The following NEK11 variants were observed in gnomAD, a reference collection of about 807,000 sequenced individuals.
The protein encoded by NEK11 is serine/threonine-protein kinase Nek11.
Under a neutral mutation model 80.7 loss-of-function variants are expected in NEK11, and 72 were observed. The observed-to-expected ratio is 0.89, with a 90% CI of 0.74 to 1.08. The LOEUF (loss-of-function observed/expected upper bound fraction) is 1.08, where lower values mean the gene tolerates loss of function less well. NEK11 is among the 50% of genes least tolerant of loss of function. The pLI is 0.00. For synonymous variants in NEK11, 251 were observed against 260.7 expected (o/e 0.96, Z 0.36); for missense variants, 764 against 763.6 (o/e 1.00, Z -0.01).
intron 17 of NEK11, among the ~76,000 whole-genome samples, chr3:131,295,559 C>A (rs79090196): frequency 0.017 from 2,534 of 152,178 alleles, 68 homozygotes; most frequent in African/African-American, 0.057. Flanking sequence ...AATTTTTTTG[C>A]ATTAAACAAT....
At chr3:131,225,278 T>TGTG (rs2095158280) in intron 14 of NEK11, among the ~76,000 whole-genome samples, 3 of 152,248 alleles carry the variant, frequency 2.0e-5, no homozygotes, top group African/African-American at 7.2e-5. Flanking sequence ...TGTACAGGGT[T>TGTG]GTAGCCTAGG....
At chr3:131,080,617 T>A (rs761717949) in intron 4 of NEK11, 29 bp downstream of exon 4, 1 of 1,576,680 alleles carries the variant, frequency 6.3e-7, no homozygotes. Flanking sequence ...CTTGGAAGTC[T>A]TTATAAAAAC....
chr3:131,271,570 G>A (rs111932085), intron 16 of NEK11, among the ~76,000 whole-genome samples: 7,691 of 152,140 alleles, frequency 0.051, 552 homozygotes, highest in African/African-American at 0.16. Context: ...CGAGGCAGGC[G>A]GATCACCTCA....
At chr3:131,332,156 T>C (rs1286866734) in intron 17 of NEK11, among the ~76,000 whole-genome samples, 2 of 152,242 alleles carry the variant, frequency 1.3e-5, no homozygotes, top group Non-Finnish European at 2.9e-5. Flanking sequence ...ACGGGCAGAC[T>C]GCCTCCTCAA....
intron 14 of NEK11, among the ~76,000 whole-genome samples, chr3:131,179,181 G>A (rs920951879): frequency 2.6e-5 from 4 of 152,138 alleles, no homozygotes; most frequent in Non-Finnish European, 4.4e-5. Flanking sequence ...GCAATAATAC[G>A]CCATGTTGGC....
At chr3:131,054,095 A>G (rs1187650439) in intron 3 of NEK11, among the ~76,000 whole-genome samples, 2 of 152,198 alleles carry the variant, frequency 1.3e-5, no homozygotes, top group African/African-American at 2.4e-5. Context: ...TCATGCCTGT[A>G]ATCCCAGCAC....
intron 16 of NEK11, among the ~76,000 whole-genome samples, chr3:131,271,439 A>G (rs1249133333): frequency 2.0e-5 from 3 of 152,194 alleles, no homozygotes; most frequent in Non-Finnish European, 4.4e-5. Flanking sequence ...ACATGCCCCA[A>G]CAGGTAGTGC....
At chr3:131,310,999 C>T (rs2096776690) in intron 17 of NEK11, among the ~76,000 whole-genome samples, 1 of 152,186 alleles carries the variant, frequency 6.6e-6, no homozygotes, top group Non-Finnish European at 1.5e-5. Flanking sequence ...CTATTTTCCC[C>T]TCTCATAACT....
At chr3:131,275,062 TG>T (rs1356544737) in intron 17 of NEK11, among the ~76,000 whole-genome samples, 1 of 147,442 alleles carries the variant, frequency 6.8e-6, no homozygotes, top group Non-Finnish European at 1.5e-5. Flanking sequence ...TTTTTTCATG[TG>T]TTTTTTTGGC....
In NEK11 at chr3:131,121,734, A is replaced by G. The variant is rs562608651; in HGVS notation, c.456-11011A>G. 1.7e-4 allele frequency among the ~76,000 whole-genome samples: 26 copies of G among 152,216 alleles called. No individual in the cohort carries two copies. The South Asian group carries it at 5.2e-3, about 30-fold the overall frequency. ...CTGCCCCCTTGCAGTTGGATCTCAG[A>G]CTGCTGTGCTAGCAGTGAGAGAGGC... On this transcript the variant is annotated intron_variant, in intron 5 of 17. Transcript: ENST00000383366.
chr3:131,036,222 A>G (rs1014490487), intron 3 of NEK11, among the ~76,000 whole-genome samples: 3 of 152,226 alleles, frequency 2.0e-5, no homozygotes, highest in East Asian at 3.8e-4. Flanking sequence ...CTGAAACAAA[A>G]CAAAACCTAT....
At chr3:131,138,590 G>A (rs2149661540) in intron 7 of NEK11, among the ~76,000 whole-genome samples, 1 of 152,182 alleles carries the variant, frequency 6.6e-6, no homozygotes, top group Non-Finnish European at 1.5e-5. Context: ...AGTTATGGGG[G>A]CCTTGGACGA....
chr3:131,338,561 T>C (rs566532081), intron 17 of NEK11, among the ~76,000 whole-genome samples: 6 of 152,314 alleles, frequency 3.9e-5, no homozygotes, highest in African/African-American at 1.4e-4. Flanking sequence ...ATAGCAACTT[T>C]ATTCACAATC....
intron 15 of NEK11, among the ~76,000 whole-genome samples, chr3:131,233,839 G>A (rs1204228839): frequency 6.6e-6 from 1 of 152,178 alleles, no homozygotes; most frequent in Non-Finnish European, 1.5e-5. Context: ...TTCAAGTGCT[G>A]ACTTTAAAAC....
chr3:131,245,301 T>TTGTGTGTG (rs4044352), intron 16 of NEK11, among the ~76,000 whole-genome samples: 7 of 140,734 alleles, frequency 5.0e-5, no homozygotes, highest in Admixed American at 1.4e-4. Flanking sequence ...TAGTATTCCA[T>TTGTGTGTG]TGTGTGTGTG....
At chr3:131,315,795 G>T (rs1167144163) in intron 17 of NEK11, among the ~76,000 whole-genome samples, 1 of 151,984 alleles carries the variant, frequency 6.6e-6, no homozygotes, top group Non-Finnish European at 1.5e-5. Flanking sequence ...TTGTAAGTGA[G>T]AACATGTGGT....
chr3:131,219,517 C>A (rs1198355364), intron 14 of NEK11, among the ~76,000 whole-genome samples: 2 of 150,058 alleles, frequency 1.3e-5, no homozygotes, highest in Non-Finnish European at 2.9e-5. Flanking sequence ...TGGAACAAAC[C>A]TGCATGTTCT....
At chr3:131,138,327 A>G (rs1399635206) in intron 7 of NEK11, among the ~76,000 whole-genome samples, 2 of 152,192 alleles carry the variant, frequency 1.3e-5, no homozygotes, top group African/African-American at 4.8e-5. Context: ...TCCTCTGCAC[A>G]TAGGAAGGGG....
chr3:131,239,293 C>T (rs957195403), intron 15 of NEK11, among the ~76,000 whole-genome samples: 4 of 152,112 alleles, frequency 2.6e-5, no homozygotes, highest in Admixed American at 1.3e-4. Context: ...TGACTGAGGA[C>T]GTGCCTGGGG....
Sources: allele counts gnomAD v4.1 joint callset (sites outside exome capture counted in the v4.1 genomes callset), GRCh38; gene constraint gnomAD v4.1.1; transcripts MANE v1.5; gene names NCBI Gene and HGNC (gene_info 2026-07-23, HGNC 2026-07-21).